Variants in PLCB1 observed in about 807,000 individuals in gnomAD.
The protein encoded by PLCB1 is 1-phosphatidylinositol 4,5-bisphosphate phosphodiesterase beta-1.
In PLCB1, 46 loss-of-function variants were observed where a neutral mutation model predicts 161.8. The observed-to-expected ratio is 0.28, with a 90% confidence interval of 0.22 to 0.36. The LOEUF is 0.36. Ranked by LOEUF, PLCB1 falls within the 10% of genes least tolerant of loss-of-function variation. PLCB1 has a pLI of 1.00. For synonymous variants in PLCB1, 517 were observed against 503.7 expected (o/e 1.03, Z -0.35); for missense variants, 1,016 against 1,472.5 (o/e 0.69, Z 5.07).
At chr20:8,235,023 A>AT (rs1422800056) in intron 2 of PLCB1, among the ~76,000 whole-genome samples, 1 of 152,094 alleles carries the variant, frequency 6.6e-6, no homozygotes, top group Non-Finnish European at 1.5e-5. Context: ...TTTACATGTT[A>AT]TGTCTCCTCA....
chr20:8,792,042 A>C (rs2146225167), intron 31 of PLCB1: 1 of 152,682 alleles, frequency 6.5e-6, no homozygotes, highest in East Asian at 1.9e-4. Context: ...TAACAATTTC[A>C]TCTCCAGGTA....
chr20:8,353,846 G>A (rs1323480791), intron 2 of PLCB1, among the ~76,000 whole-genome samples: 1 of 152,070 alleles, frequency 6.6e-6, no homozygotes, highest in Non-Finnish European at 1.5e-5. Context: ...GAATATCAAT[G>A]AAGTATGGGC....
chr20:8,478,770 G>A (rs764106154), intron 3 of PLCB1, among the ~76,000 whole-genome samples: 1 of 152,006 alleles, frequency 6.6e-6, no homozygotes, highest in Non-Finnish European at 1.5e-5. Context: ...ACTTCAAAAT[G>A]TAAAGTTAAA....
chr20:8,211,799 G>A (rs1369752492), intron 2 of PLCB1, among the ~76,000 whole-genome samples: 1 of 152,054 alleles, frequency 6.6e-6, no homozygotes, highest in Non-Finnish European at 1.5e-5. Context: ...ATCTCCCAGT[G>A]TATCAGTTTT....
chr20:8,374,621 G>C (rs1224845717), intron 3 of PLCB1, among the ~76,000 whole-genome samples: 4 of 152,156 alleles, frequency 2.6e-5, no homozygotes, highest in African/African-American at 9.7e-5. Flanking sequence ...AGAAGGTGTA[G>C]GGCCTGCAAG....
At chr20:8,774,236 C>A (rs151182954) in intron 26 of PLCB1, among the ~76,000 whole-genome samples, 3 of 147,170 alleles carry the variant, frequency 2.0e-5, no homozygotes, top group Non-Finnish European at 4.5e-5. Flanking sequence ...TTTTATTAGA[C>A]ACTGTTTTTC....
At chr20:8,626,035 G>A (rs895081241) in intron 3 of PLCB1, among the ~76,000 whole-genome samples, 11 of 151,936 alleles carry the variant, frequency 7.2e-5, no homozygotes, top group Non-Finnish European at 1.2e-4. Context: ...AAACTTAGCC[G>A]GGCGTGGTGG....
At chr20:8,717,160 C>A (rs182828488) in intron 13 of PLCB1, among the ~76,000 whole-genome samples, 7 of 152,332 alleles carry the variant, frequency 4.6e-5, no homozygotes, top group Admixed American at 2.0e-4. Flanking sequence ...ACCTCATCCA[C>A]TTCTGTTGAT....
At chr20:8,444,510 C>A (rs1416742808) in intron 3 of PLCB1, among the ~76,000 whole-genome samples, 1 of 152,124 alleles carries the variant, frequency 6.6e-6, no homozygotes, top group Non-Finnish European at 1.5e-5. Flanking sequence ...AATAAACATA[C>A]GTGTGCATGT....
intron 3 of PLCB1, among the ~76,000 whole-genome samples, chr20:8,463,396 T>C (rs539214511): frequency 9.0e-4 from 137 of 152,160 alleles, no homozygotes; most frequent in African/African-American, 3.1e-3. Context: ...TTCTCATTCT[T>C]CTCTTACAGT....
At chr20:8,633,915 T>C in intron 4 of PLCB1, among the ~76,000 whole-genome samples, 1 of 152,212 alleles carries the variant, frequency 6.6e-6, no homozygotes, top group East Asian at 1.9e-4. Context: ...TATTCAACAT[T>C]ATATTATGAG....
chr20:8,693,411 C>T (rs886164401), intron 10 of PLCB1, among the ~76,000 whole-genome samples: 3 of 152,108 alleles, frequency 2.0e-5, no homozygotes, highest in Non-Finnish European at 2.9e-5. Context: ...ATTGAGAAAT[C>T]AGATCAAACA....
intron 3 of PLCB1, among the ~76,000 whole-genome samples, chr20:8,592,106 A>G (rs892349976): frequency 6.6e-6 from 1 of 152,234 alleles, no homozygotes; most frequent in Non-Finnish European, 1.5e-5. Flanking sequence ...GGTTTTGTAC[A>G]TTAAACAATC....
chr20:8,155,307 G>C (rs1333291017), intron 2 of PLCB1, among the ~76,000 whole-genome samples: 1 of 152,166 alleles, frequency 6.6e-6, no homozygotes, highest in Non-Finnish European at 1.5e-5. Flanking sequence ...GGGCAAGAAA[G>C]ATTGGTTCTA....
At chr20:8,558,187 G>A (rs1986024527) in intron 3 of PLCB1, among the ~76,000 whole-genome samples, 1 of 151,836 alleles carries the variant, frequency 6.6e-6, no homozygotes, top group Non-Finnish European at 1.5e-5. Flanking sequence ...ATTGTTTGAA[G>A]CCAAAGGATA....
chr20:8,740,019 AT>A (rs1980788311), intron 21 of PLCB1, among the ~76,000 whole-genome samples: 1 of 152,058 alleles, frequency 6.6e-6, no homozygotes, highest in Non-Finnish European at 1.5e-5. Flanking sequence ...AATAATAACA[AT>A]TTTTTAAAAA....
chr20:8,468,743 CTCTT>C (rs1981924571), intron 3 of PLCB1, among the ~76,000 whole-genome samples: 1 of 152,122 alleles, frequency 6.6e-6, no homozygotes, highest in Non-Finnish European at 1.5e-5. Context: ...ATTTATGTAA[CTCTT>C]TATGTTTAAA....
intron 1 of PLCB1, among the ~76,000 whole-genome samples, chr20:8,134,143 G>A (rs985806227): frequency 2.0e-5 from 3 of 152,096 alleles, no homozygotes; most frequent in Non-Finnish European, 4.4e-5. Flanking sequence ...CAGTCTAATT[G>A]TACTGAATGT....
chr20:8,581,297 A>G (rs530928088), intron 3 of PLCB1, among the ~76,000 whole-genome samples: 56 of 152,188 alleles, frequency 3.7e-4, no homozygotes, highest in African/African-American at 1.3e-3. Flanking sequence ...CGTACTTCCT[A>G]GTTCTCTTTG....
Sources: allele counts gnomAD v4.1 joint callset (sites outside exome capture counted in the v4.1 genomes callset), GRCh38; gene constraint gnomAD v4.1.1; transcripts MANE v1.5; gene names NCBI Gene and HGNC (gene_info 2026-07-23, HGNC 2026-07-21).